The following FBN1 variants were observed in gnomAD, a reference collection of about 807,000 sequenced individuals.
FBN1 encodes the protein fibrillin-1.
FBN1 carries 29 observed loss-of-function variants against 365.1 expected under a neutral mutation model. The ratio of observed to expected loss-of-function variants is 0.08; its 90% CI spans 0.06 to 0.11. The LOEUF is 0.11. FBN1 is among the 10% of genes least tolerant of loss of function. The pLI is 1.00. For missense variants in FBN1, 2,476 were observed against 3,703.2 expected (o/e 0.67, Z 8.60); for synonymous variants, 1,210 against 1,270.5 (o/e 0.95, Z 1.01).
intron 6 of FBN1, among the ~76,000 whole-genome samples, chr15:48,586,155 T>A (rs910925084): frequency 6.6e-6 from 1 of 152,126 alleles, no homozygotes; most frequent in African/African-American, 2.4e-5. Flanking sequence ...TGTAATAAAA[T>A]GCAAGAAAAA....
At chr15:48,596,448 C>A in intron 5 of FBN1, 70 bp from the exon 6 acceptor site, 1 of 1,413,766 alleles carries the variant, frequency 7.1e-7, no homozygotes, top group South Asian at 1.2e-5. Flanking sequence ...ACTTGTGGTC[C>A]TCTGGAAGGA....
intron 2 of FBN1, among the ~76,000 whole-genome samples, chr15:48,632,432 A>G (rs1890005263): frequency 6.6e-6 from 1 of 152,222 alleles, no homozygotes; most frequent in Non-Finnish European, 1.5e-5. Context: ...CTTGAAATGT[A>G]CCATCCCATT....
At chr15:48,496,912 G>C (rs1387278167) in intron 19 of FBN1, among the ~76,000 whole-genome samples, 1 of 152,138 alleles carries the variant, frequency 6.6e-6, no homozygotes, top group Non-Finnish European at 1.5e-5. Context: ...GAGAAGAGCT[G>C]CTTCTCTCTC....
intron 4 of FBN1, among the ~76,000 whole-genome samples, chr15:48,606,482 C>T (rs1287733963): frequency 6.6e-6 from 1 of 152,102 alleles, no homozygotes; most frequent in Non-Finnish European, 1.5e-5. Flanking sequence ...AAAGCCACTT[C>T]CAAAAGGTTA....
chr15:48,495,351 G>A (rs765239287), intron 21 of FBN1, 91 bp from the exon 22 acceptor site: 623 of 1,594,302 alleles, frequency 3.9e-4, no homozygotes, highest in Non-Finnish European at 4.9e-4. Flanking sequence ...TTTGAAACAA[G>A]GAATAATGAA....
chr15:48,595,507 C>A (rs1044189238), intron 6 of FBN1, among the ~76,000 whole-genome samples: 17 of 152,224 alleles, frequency 1.1e-4, no homozygotes, highest in African/African-American at 3.6e-4. Context: ...GGGAAAAAAA[C>A]TTAAGAATAT....
At chr15:48,585,105 A>G (rs896160707) in intron 6 of FBN1, among the ~76,000 whole-genome samples, 4 of 152,224 alleles carry the variant, frequency 2.6e-5, no homozygotes, top group African/African-American at 9.6e-5. Flanking sequence ...TATGTTTATA[A>G]AAACATTTTC....
intron 6 of FBN1, among the ~76,000 whole-genome samples, chr15:48,588,289 T>A (rs1486682907): frequency 1.3e-5 from 2 of 152,196 alleles, no homozygotes; most frequent in African/African-American, 4.8e-5. Flanking sequence ...TAAAATATAT[T>A]ATTAAAATTA....
chr15:48,490,883 G>T (rs989108333), intron 24 of FBN1, among the ~76,000 whole-genome samples: 2 of 152,214 alleles, frequency 1.3e-5, no homozygotes, highest in African/African-American at 2.4e-5. Context: ...GCTCAACTGA[G>T]ATTATGCATC....
At chr15:48,534,432 T>C (rs998802045) in intron 7 of FBN1, among the ~76,000 whole-genome samples, 10 of 152,234 alleles carry the variant, frequency 6.6e-5, no homozygotes, top group Non-Finnish European at 1.3e-4. Context: ...AAGTATTTTT[T>C]GTTTTCCCAC....
At chr15:48,517,754 AG>A (rs1254811240) in intron 10 of FBN1, among the ~76,000 whole-genome samples, 1 of 152,054 alleles carries the variant, frequency 6.6e-6, no homozygotes, top group Non-Finnish European at 1.5e-5. Context: ...CTCTTTTGCT[AG>A]GATTTTGGTA....
In FBN1 at chr15:48,422,135, A is replaced by G. The variant is rs945817230; in HGVS notation, c.7454-67T>C. The G allele has an allele frequency of 3.0e-5, 32 of 1,058,622 alleles. 1 individual carries two copies. In the East Asian group the frequency reaches 7.1e-4, roughly 24 times the overall value. 65.6% of individuals were successfully genotyped at this position (1,058,622 alleles called of 1,614,324 possible). A position where few individuals can be genotyped will look rare whatever the true frequency, so the allele number is the denominator to read the frequency against. On this transcript the variant is annotated intron_variant, in intron 60 of 65. Coordinates refer to ENST00000316623, the MANE Select transcript of FBN1 (RefSeq NM_000138.5). Reference sequence around the variant, plus strand: ...AAACAGGATCAGGGAAGCTGACCCTATGAAGCAGCTCCACGTTTGATTTGG... The same window carrying G: ...AAACAGGATCAGGGAAGCTGACCCTGTGAAGCAGCTCCACGTTTGATTTGG...
intron 17 of FBN1, among the ~76,000 whole-genome samples, chr15:48,501,325 T>C (rs2043654979): frequency 6.6e-6 from 1 of 152,182 alleles, no homozygotes; most frequent in Non-Finnish European, 1.5e-5. Flanking sequence ...GACTTTGTTA[T>C]AAAAGCACAT....
At chr15:48,488,024 G>T (rs1203751267) in intron 27 of FBN1, 89 bp downstream of exon 27, 2 of 1,548,948 alleles carry the variant, frequency 1.3e-6, no homozygotes, top group East Asian at 2.2e-5. Flanking sequence ...CACTGGGGCA[G>T]CAGGAAGAAC....
intron 56 of FBN1, among the ~76,000 whole-genome samples, chr15:48,429,036 A>T (rs1278921884): frequency 1.3e-5 from 2 of 152,214 alleles, no homozygotes; most frequent in Non-Finnish European, 2.9e-5. Context: ...TGTGCACTTC[A>T]GATCTTTTAA....
chr15:48,490,032 G>A lies in FBN1; in HGVS notation c.2901C>T (p.Cys967=), dbSNP rs755610084. ...GGTGGCGGCCAGCAATAGGCAGGGTGCACTCCTCGTCCTCGTACCTCAGGA... is the reference window on the plus strand; with the variant it reads ...GGTGGCGGCCAGCAATAGGCAGGGTACACTCCTCGTCCTCGTACCTCAGGA... The part of the protein sequence containing the change: ...TCFLRYEDEE[C]TLPIAGRHRM... The change falls in exon 25 of 66, where the codon TGC becomes TGT. Residue 967 remains cysteine (C), a synonymous_variant. Transcript: ENST00000316623. The A allele has an allele frequency of 2.4e-5, 39 of 1,614,134 alleles. No individual in the cohort carries two copies. The East Asian group carries it at 7.8e-4, about 32-fold the overall frequency.
intron 4 of FBN1, among the ~76,000 whole-genome samples, chr15:48,602,106 CTT>C (rs1180478311): frequency 6.6e-6 from 1 of 152,152 alleles, no homozygotes; most frequent in African/African-American, 2.4e-5. Context: ...TTACCTGCCT[CTT>C]TGTCTCCTTG....
chr15:48,469,083 T>TATATATATATAAAATATAATACATATTAC (rs2043347455), intron 36 of FBN1, among the ~76,000 whole-genome samples: 2 of 118,764 alleles, frequency 1.7e-5, no homozygotes, highest in Non-Finnish European at 3.3e-5. Context: ...AAAAAAAATA[T>TATATATATATAAAATATAATACATATTAC]ATATATATAT....
At chr15:48,507,990 T>A (rs903244936) in intron 15 of FBN1, among the ~76,000 whole-genome samples, 1 of 149,544 alleles carries the variant, frequency 6.7e-6, no homozygotes, top group Non-Finnish European at 1.5e-5. Flanking sequence ...TGAGATTATT[T>A]CAAAATGGTT....
Sources: allele counts gnomAD v4.1 joint callset (sites outside exome capture counted in the v4.1 genomes callset), GRCh38; gene constraint gnomAD v4.1.1; transcripts MANE v1.5; gene names NCBI Gene and HGNC (gene_info 2026-07-23, HGNC 2026-07-21).